CSMD1: variants seen among roughly 807,000 people sequenced by gnomAD.
The protein encoded by CSMD1 is CUB and Sushi multiple domains 1.
Under a neutral mutation model 417.5 loss-of-function variants are expected in CSMD1, and 213 were observed. The observed-to-expected ratio is 0.51, with a 90% CI of 0.46 to 0.57. CSMD1 has a LOEUF of 0.57. Among genes scored for constraint, CSMD1 ranks in the 20% least tolerant of loss-of-function variants. CSMD1 has a pLI of 0.00. For missense variants in CSMD1, 6,923 were observed against 4,529.7 expected (o/e 1.53, Z -15.17); for synonymous variants, 2,862 against 1,736.8 (o/e 1.65, Z -16.11).
chr8:4,079,587 T>C (rs1345107222), intron 3 of CSMD1, among the ~76,000 whole-genome samples: 1 of 152,216 alleles, frequency 6.6e-6, no homozygotes, highest in African/African-American at 2.4e-5. Context: ...AAAAACACTT[T>C]ATTAGGGAAA....
intron 6 of CSMD1, among the ~76,000 whole-genome samples, chr8:3,748,849 A>C (rs184974633): frequency 2.0e-5 from 3 of 152,204 alleles, no homozygotes; most frequent in Non-Finnish European, 4.4e-5. Context: ...CAAACTAATT[A>C]TTTGTGTCAA....
At chr8:4,725,736 T>A (rs1370795955) in intron 1 of CSMD1, among the ~76,000 whole-genome samples, 1 of 152,196 alleles carries the variant, frequency 6.6e-6, no homozygotes, top group African/African-American at 2.4e-5. Flanking sequence ...AGAAACAATT[T>A]GCTGTGCTTA....
chr8:4,265,363 A>T (rs77073985), intron 3 of CSMD1, among the ~76,000 whole-genome samples: 1 of 51,204 alleles, frequency 2.0e-5, no homozygotes. Flanking sequence ...TCTGCACAGT[A>T]TCATTTGACA....
chr8:4,460,846 G>C (rs914307373), intron 2 of CSMD1, among the ~76,000 whole-genome samples: 3 of 152,092 alleles, frequency 2.0e-5, no homozygotes, highest in East Asian at 1.9e-4. Flanking sequence ...ACCAAACATT[G>C]AGAGTAGAAT....
chr8:4,137,545 A>G (rs1477358469), intron 3 of CSMD1, among the ~76,000 whole-genome samples: 1 of 131,586 alleles, frequency 7.6e-6, no homozygotes, highest in Non-Finnish European at 1.8e-5. Context: ...CATTTGTATT[A>G]TGTTTTCTTT....
intron 23 of CSMD1, among the ~76,000 whole-genome samples, chr8:3,334,439 T>C (rs1304331540): frequency 6.6e-6 from 1 of 152,230 alleles, no homozygotes; most frequent in Non-Finnish European, 1.5e-5. Flanking sequence ...TATAGTAGTA[T>C]GTTTAATGTT....
intron 1 of CSMD1, among the ~76,000 whole-genome samples, chr8:4,921,864 C>T (rs116693918): frequency 6.6e-6 from 1 of 152,118 alleles, no homozygotes; most frequent in Non-Finnish European, 1.5e-5. Flanking sequence ...AGAGAAAACC[C>T]AAGAGTGACT....
Position 3,586,245 on chromosome 8 carries a change from T to G in CSMD1, c.1113A>C (p.Val371=), listed in dbSNP as rs773994973. The change falls in exon 9 of 70, where the codon GTA becomes GTC. Residue 371 remains valine (V), a synonymous_variant. Coordinates refer to ENST00000635120, the MANE Select transcript of CSMD1 (RefSeq NM_033225.6). ...AGSDFRVGAN[V]QFSCEDNYVL... ...CGTAATTGTCCTCACATGAAAACTG[T>G]ACATTTGCACCAACCCTAAGCCGTT... 1.2e-6 allele frequency: 2 copies of G among 1,606,622 alleles called. No homozygotes were observed. Among genetic ancestry groups the G allele is most frequent in the East Asian group, 2.2e-5 (1 of 44,674 alleles).
At chr8:4,073,633 T>A (rs960120754) in intron 3 of CSMD1, among the ~76,000 whole-genome samples, 2 of 152,178 alleles carry the variant, frequency 1.3e-5, no homozygotes, top group African/African-American at 4.8e-5. Flanking sequence ...TGAATTTTAA[T>A]GAATTTATTC....
At chr8:3,429,035 G>C (rs915283226) in intron 12 of CSMD1, among the ~76,000 whole-genome samples, 3 of 152,140 alleles carry the variant, frequency 2.0e-5, no homozygotes, top group African/African-American at 7.2e-5. Context: ...AGAGACTGGG[G>C]GAGGCAGGAG....
At chr8:4,012,645 G>A (rs1429018921) in intron 4 of CSMD1, among the ~76,000 whole-genome samples, 3 of 152,096 alleles carry the variant, frequency 2.0e-5, no homozygotes, top group Non-Finnish European at 4.4e-5. Flanking sequence ...GTGTCCATCA[G>A]TTCCATGAAT....
chr8:4,457,136 T>C (rs901241876), intron 2 of CSMD1, among the ~76,000 whole-genome samples: 1 of 152,166 alleles, frequency 6.6e-6, no homozygotes, highest in African/African-American at 2.4e-5. Flanking sequence ...GAGTTATTCC[T>C]ATACCTTTTG....
intron 5 of CSMD1, among the ~76,000 whole-genome samples, chr8:3,886,880 C>G (rs1026797112): frequency 6.6e-6 from 1 of 152,228 alleles, no homozygotes; most frequent in African/African-American, 2.4e-5. Context: ...TACTGGCTCT[C>G]GCATGGTAAT....
chr8:3,896,751 T>A lies in CSMD1; in HGVS notation c.818+101152A>T, dbSNP rs140344294. On this transcript the variant is annotated intron_variant, in intron 5 of 69. Transcript: ENST00000635120. ...GGTCTCGATCCTGAATATGTTTTTTTTAATTAAGAAATATACGTAAACAGC... is the reference window on the plus strand; with the variant it reads ...GGTCTCGATCCTGAATATGTTTTTTATAATTAAGAAATATACGTAAACAGC... Among the ~76,000 whole-genome samples, 285 of 152,148 alleles carry A rather than the reference T, an allele frequency of 1.9e-3. 4 individuals are homozygous for A. The highest frequency in any genetic ancestry group is 6.5e-3 in the African/African-American group (269 of 41,504).
chr8:4,743,122 C>T (rs1316995892), intron 1 of CSMD1, among the ~76,000 whole-genome samples: 2 of 151,932 alleles, frequency 1.3e-5, no homozygotes, highest in East Asian at 3.9e-4. Flanking sequence ...AATAAATATA[C>T]CAAGAAAAAT....
intron 1 of CSMD1, among the ~76,000 whole-genome samples, chr8:4,933,126 C>T (rs193179006): frequency 1.3e-5 from 2 of 152,268 alleles, no homozygotes; most frequent in African/African-American, 2.4e-5. Flanking sequence ...TGGATATGTT[C>T]TCTATCTGGT....
chr8:4,569,963 G>A (rs898196913), intron 2 of CSMD1, among the ~76,000 whole-genome samples: 3 of 152,318 alleles, frequency 2.0e-5, no homozygotes, highest in Middle Eastern at 3.4e-3. Flanking sequence ...GTATAGGAAT[G>A]CTTGTGATTT....
chr8:4,769,364 A>G (rs1044649409), intron 1 of CSMD1, among the ~76,000 whole-genome samples: 9 of 152,218 alleles, frequency 5.9e-5, no homozygotes, highest in Admixed American at 2.6e-4. Context: ...GTTTTATTCA[A>G]TGAGGGAATT....
chr8:4,703,278 G>A (rs1024198204), intron 1 of CSMD1, among the ~76,000 whole-genome samples: 1 of 152,192 alleles, frequency 6.6e-6, no homozygotes, highest in African/African-American at 2.4e-5. Flanking sequence ...GGAAAAATTA[G>A]TAGGGAGTGT....
Sources: allele counts gnomAD v4.1 joint callset (sites outside exome capture counted in the v4.1 genomes callset), GRCh38; gene constraint gnomAD v4.1.1; transcripts MANE v1.5; gene names NCBI Gene and HGNC (gene_info 2026-07-23, HGNC 2026-07-21).